PCDHGB7: variants seen among roughly 807,000 people sequenced by gnomAD.
PCDHGB7 encodes protocadherin gamma-B7.
Under a neutral mutation model 61.4 loss-of-function variants are expected in PCDHGB7, and 37 were observed. The observed-to-expected ratio is 0.60, with a 90% CI of 0.46 to 0.79. The LOEUF is 0.79. PCDHGB7 is among the 30% of genes least tolerant of loss of function. The pLI is 0.00. For synonymous variants in PCDHGB7, 464 were observed against 503.5 expected, an observed-to-expected ratio of 0.92 and a Z score of 1.05; for missense variants, 1,166 against 1,202.5, an observed-to-expected ratio of 0.97 and a Z score of 0.45.
At position 141,418,742 on chromosome 5, in the gene PCDHGB7, G is replaced by GA; in HGVS notation, c.884dup (p.Asp295GlufsTer16). On this transcript the variant is annotated frameshift_variant, in exon 1 of 4. Transcript: ENST00000398594. LOFTEE classifies it high-confidence loss of function. ...CAAAGCTCAGCACGTGTTCTCTCTG[G>GA]ATTACACTACAGGAAACATTCTAAC... 6.2e-7 allele frequency: 1 copy of GA among 1,613,896 alleles called. No individual in the cohort carries two copies. The highest frequency in any genetic ancestry group is 8.5e-7 in the Non-Finnish European group (1 of 1,179,840).
At chr5:141,426,517 A>G (rs893782433) in intron 1 of PCDHGB7, 5 of 343,020 alleles carry the variant, frequency 1.5e-5, no homozygotes, top group African/African-American at 2.1e-5. Context: ...CTTTACCGTG[A>G]ACACGGAGAA....
intron 1 of PCDHGB7, among the ~76,000 whole-genome samples, chr5:141,449,177 G>T (rs2098631167): frequency 6.6e-6 from 1 of 152,028 alleles, no homozygotes. Flanking sequence ...AATTTTCTTA[G>T]GTATTTTCAC....
chr5:141,456,308 T>C (rs2098849199), intron 1 of PCDHGB7, among the ~76,000 whole-genome samples: 1 of 152,156 alleles, frequency 6.6e-6, no homozygotes, highest in Non-Finnish European at 1.5e-5. Context: ...GAACAGCAGC[T>C]AGGGCTCCTC....
Position 141,477,626 on chromosome 5 carries a change from G to C in PCDHGB7, c.2416-17181G>C. The C allele has an allele frequency of 1.2e-6, 2 of 1,614,170 alleles. No homozygotes were observed. Among genetic ancestry groups the C allele is most frequent in the Non-Finnish European group, 1.7e-6 (2 of 1,180,036 alleles). ...TCTCTTGGAGCAAGGAGCTGAAACCGGGCTAGTGGGTCGCTATTTCACAAT... is the reference window on the plus strand; with the variant it reads ...TCTCTTGGAGCAAGGAGCTGAAACCCGGCTAGTGGGTCGCTATTTCACAAT... On this transcript the variant is annotated intron_variant, in intron 1 of 3. Transcript: ENST00000398594. The surrounding 1 kb of genome is among the most constrained non-coding windows in gnomAD (Gnocchi z 4.9).
chr5:141,435,642 T>C lies in PCDHGB7; in HGVS notation c.2415+15368T>C, dbSNP rs1326178929. On this transcript the variant is annotated intron_variant, in intron 1 of 3. Coordinates refer to ENST00000398594, the MANE Select transcript of PCDHGB7 (RefSeq NM_018927.4). ...CATAACTTTTACAACTATGGGAAAA[T>C]TTCTGAAACGTGCACAGATTCCAAG... Among the ~76,000 whole-genome samples the C allele has an allele frequency of 2.0e-5, 3 of 152,156 alleles. No individual in the cohort carries two copies. The East Asian group carries it at 5.8e-4, about 29-fold the overall frequency.
intron 1 of PCDHGB7, among the ~76,000 whole-genome samples, chr5:141,473,126 A>C (rs2154571574): frequency 6.6e-6 from 1 of 152,356 alleles, no homozygotes; most frequent in South Asian, 2.1e-4. Flanking sequence ...GCTCTTTGGC[A>C]AACTATATTA....
In PCDHGB7 at chr5:141,418,185, T is replaced by C; in HGVS notation, c.326T>C (p.Val109Ala). The change falls in exon 1 of 4, where the codon GTG becomes GCG. Residue 109 changes from valine to alanine, a missense_variant. Physicochemically the swap from Val to Ala is moderately conservative, Grantham distance 64. Coordinates refer to ENST00000398594, the MANE Select transcript of PCDHGB7 (RefSeq NM_018927.4). Reference sequence around the variant, plus strand: ...AGATGTGAGTTGCAATTGGAAGCTGTGGTGGAAAATCCTTTAAATATTTTT... The same window carrying C: ...AGATGTGAGTTGCAATTGGAAGCTGCGGTGGAAAATCCTTTAAATATTTTT... Reference protein sequence around the residue: ...RRRCELQLEAVVENPLNIFHV... With the variant: ...RRRCELQLEAAVENPLNIFHV... The C allele has an allele frequency of 6.2e-7, 1 of 1,614,058 alleles. No homozygotes were observed. Among genetic ancestry groups the C allele is most frequent in the Non-Finnish European group, 8.5e-7 (1 of 1,179,902 alleles).
chr5:141,497,824 T>G (rs1164705269), intron 2 of PCDHGB7, among the ~76,000 whole-genome samples: 1 of 152,086 alleles, frequency 6.6e-6, no homozygotes, highest in African/African-American at 2.4e-5. Flanking sequence ...ACAGGTGTGA[T>G]CGCCCCCGGC....
rs2096175268 is a variant in PCDHGB7, at chr5:141,417,870, G to A, written c.11G>A (p.Ser4Asn). Residue 4 changes from serine (S) to asparagine (N), a missense_variant, in exon 1 of 4, where the codon AGC becomes AAC. Physicochemically the swap from Ser to Asn is conservative, Grantham distance 46. Transcript: ENST00000398594. MGG[S>N]CAQRRRAGPR... ...GAACCCGAGCGAACGATGGGAGGGA[G>A]CTGCGCGCAGAGGCGCCGGGCCGGC... 3 of 1,553,910 alleles carry A rather than the reference G, an allele frequency of 1.9e-6. No homozygotes were observed. Among genetic ancestry groups the A allele is most frequent in the Admixed American group, 2.0e-5 (1 of 51,084 alleles).
chr5:141,418,770 A>G lies in PCDHGB7; in HGVS notation c.911A>G (p.Gln304Arg). The G allele has an allele frequency of 6.2e-7, 1 of 1,613,892 alleles. No homozygotes were observed. Among genetic ancestry groups the G allele is most frequent in the Non-Finnish European group, 8.5e-7 (1 of 1,179,782 alleles). ...LDYTTGNILT[Q>R]QPLDFEEVER... ...TACACTACAGGAAACATTCTAACTC[A>G]GCAGCCTTTGGATTTTGAAGAAGTA... Residue 304 changes from glutamine (Q) to arginine (R), a missense_variant, in exon 1 of 4, where the codon CAG becomes CGG. Coordinates refer to ENST00000398594, the MANE Select transcript of PCDHGB7 (RefSeq NM_018927.4).
chr5:141,483,501 G>T (rs1022338958), intron 1 of PCDHGB7, among the ~76,000 whole-genome samples: 1 of 150,394 alleles, frequency 6.6e-6, no homozygotes, highest in Non-Finnish European at 1.5e-5. Flanking sequence ...ATGAGTCAAG[G>T]CTGATCCCCC....
intron 1 of PCDHGB7, chr5:141,422,581 G>C: frequency 6.2e-7 from 1 of 1,613,984 alleles, no homozygotes; most frequent in Non-Finnish European, 8.5e-7. Context: ...TAACCCTCCC[G>C]TTTTTCCTCA....
At chr5:141,423,357 C>G in intron 1 of PCDHGB7, 1 of 1,614,214 alleles carries the variant, frequency 6.2e-7, no homozygotes. Context: ...TCTTTGTCAT[C>G]GTGCTGCTGG....
At chr5:141,466,376 C>A (rs1046432765) in intron 1 of PCDHGB7, among the ~76,000 whole-genome samples, 1 of 151,904 alleles carries the variant, frequency 6.6e-6, no homozygotes, top group Non-Finnish European at 1.5e-5. Flanking sequence ...GTTTTGGCAC[C>A]CATCTAATGG....
At chr5:141,475,014 C>G (rs2099358221) in intron 1 of PCDHGB7, among the ~76,000 whole-genome samples, 1 of 152,202 alleles carries the variant, frequency 6.6e-6, no homozygotes, top group South Asian at 2.1e-4. Flanking sequence ...AAAGTTAAGG[C>G]TCTTTATTCT....
Position 141,511,159 on chromosome 5 carries a change from AAGG to A in PCDHGB7, c.2779_2781del (p.Glu927del), listed in dbSNP as rs1477173987. 3 of 1,614,186 alleles carry A rather than the reference AAGG, an allele frequency of 1.9e-6. No individual in the cohort carries two copies. The highest frequency in any genetic ancestry group is 2.2e-5 in the East Asian group (1 of 44,872). On this transcript the variant is annotated inframe_deletion, in exon 4 of 4. Coordinates refer to ENST00000398594, the MANE Select transcript of PCDHGB7 (RefSeq NM_018927.4). ...TGGCAACAAGAAGAAGTCGGGCAAG[AAGG>A]AGAAGAAGTAACATGGAGGCCAGGC... is the stretch of plus-strand genomic sequence containing the variant.
intron 1 of PCDHGB7, among the ~76,000 whole-genome samples, chr5:141,443,765 A>G (rs577762947): frequency 6.6e-6 from 1 of 152,340 alleles, no homozygotes; most frequent in East Asian, 1.9e-4. Context: ...TACAATATAC[A>G]ATATTACCAA....
intron 2 of PCDHGB7, among the ~76,000 whole-genome samples, chr5:141,498,009 C>T (rs1160103624): frequency 6.6e-6 from 1 of 152,146 alleles, no homozygotes; most frequent in African/African-American, 2.4e-5. Context: ...TTACAGTGCA[C>T]TGAAGGAGAC....
chr5:141,467,625 T>C (rs1407031447), intron 1 of PCDHGB7, among the ~76,000 whole-genome samples: 1 of 152,202 alleles, frequency 6.6e-6, no homozygotes, highest in African/African-American at 2.4e-5. Flanking sequence ...TGATTTGAGA[T>C]AGCATCTTTA....
Sources: allele counts gnomAD v4.1 joint callset (sites outside exome capture counted in the v4.1 genomes callset), GRCh38; gene constraint gnomAD v4.1.1; non-coding constraint Gnocchi (gnomAD v3.1); transcripts MANE v1.5; gene names NCBI Gene and HGNC (gene_info 2026-07-23, HGNC 2026-07-21).